Variants in ODAD4 observed in about 807,000 individuals in gnomAD.
ODAD4 encodes the protein outer dynein arm docking complex subunit 4.
In ODAD4, 49 loss-of-function variants were observed where a neutral mutation model predicts 51.8. The ratio of observed to expected loss-of-function variants is 0.95; its 90% CI spans 0.75 to 1.20. The LOEUF (loss-of-function observed/expected upper bound fraction) is 1.20. Among genes scored for constraint, ODAD4 ranks in the 50% most tolerant of loss-of-function variants. The pLI, the probability that ODAD4 is intolerant of heterozygous loss-of-function variation, is 0.00. For synonymous variants in ODAD4, 235 were observed against 221.3 expected (o/e 1.06, Z -0.55); for missense variants, 590 against 586.5 (o/e 1.01, Z -0.06).
chr17:41,964,615 T>C (rs115448773), intron 11 of ODAD4, among the ~76,000 whole-genome samples: 2,331 of 152,254 alleles, frequency 0.015, 64 homozygotes, highest in African/African-American at 0.053. Context: ...AGCACAGGCC[T>C]CCACAGAGAT....
chr17:41,956,261 C>G (rs2050731656), intron 10 of ODAD4, among the ~76,000 whole-genome samples: 1 of 151,756 alleles, frequency 6.6e-6, no homozygotes, highest in African/African-American at 2.4e-5. Flanking sequence ...GTTGGCCAGG[C>G]TGGTTTGGAA....
intron 8 of ODAD4, among the ~76,000 whole-genome samples, chr17:41,948,291 T>C (rs2050612779): frequency 6.6e-6 from 1 of 150,692 alleles, no homozygotes; most frequent in Non-Finnish European, 1.5e-5. Flanking sequence ...TTTTCTCTCA[T>C]ATATTCTTAG....
At chr17:41,934,267 C>T (rs8073987) in intron 1 of ODAD4, among the ~76,000 whole-genome samples, 103,456 of 151,142 alleles carry the variant, frequency 0.68, 36,853 homozygotes, top group East Asian at 0.83. Context: ...TCTCAAACTC[C>T]TGACTTCAAG....
chr17:41,931,357 C>T (rs1226583245), intron 1 of ODAD4, among the ~76,000 whole-genome samples: 1 of 152,160 alleles, frequency 6.6e-6, no homozygotes, highest in Non-Finnish European at 1.5e-5. Context: ...TCTCCATTCT[C>T]TGCGTTAACA....
intron 8 of ODAD4, among the ~76,000 whole-genome samples, chr17:41,946,995 C>T (rs1327095075): frequency 2.0e-5 from 3 of 151,802 alleles, no homozygotes; most frequent in South Asian, 2.1e-4. Flanking sequence ...GGACTACAGG[C>T]GCCCGCCACC....
chr17:41,943,023 C>T (rs551188750), intron 7 of ODAD4, among the ~76,000 whole-genome samples: 2 of 152,146 alleles, frequency 1.3e-5, no homozygotes, highest in South Asian at 2.1e-4. Flanking sequence ...CCATTGTGCC[C>T]GCGTTTTGTT....
chr17:41,936,433 G>T (rs997524701), intron 3 of ODAD4, 40 bp from the exon 4 acceptor site: 8 of 1,479,640 alleles, frequency 5.4e-6, no homozygotes, highest in Non-Finnish European at 6.6e-6. Flanking sequence ...TCATGCCTGG[G>T]GGGTCTGGCC....
intron 1 of ODAD4, among the ~76,000 whole-genome samples, chr17:41,932,731 T>G (rs1555637132): frequency 1.3e-5 from 2 of 149,906 alleles, no homozygotes; most frequent in Non-Finnish European, 3.0e-5. Flanking sequence ...TTCTTCTTTT[T>G]TTTTTTTTTT....
chr17:41,940,533 A>G (rs1459774417), intron 7 of ODAD4, among the ~76,000 whole-genome samples: 2 of 152,190 alleles, frequency 1.3e-5, no homozygotes, highest in Non-Finnish European at 2.9e-5. Flanking sequence ...CTGAGCAGGA[A>G]TATCCCATAC....
At chr17:41,962,197 T>G (rs979362562) in intron 11 of ODAD4, among the ~76,000 whole-genome samples, 11 of 151,742 alleles carry the variant, frequency 7.2e-5, no homozygotes, top group Non-Finnish European at 1.6e-4. Flanking sequence ...CTGAGTGAGG[T>G]GAGTGCTCTG....
intron 9 of ODAD4, among the ~76,000 whole-genome samples, chr17:41,954,720 T>C (rs1429418314): frequency 4.6e-5 from 7 of 151,694 alleles, no homozygotes; most frequent in African/African-American, 1.7e-4. Context: ...TGTGGTGTCA[T>C]GTGCCTGTAA....
Position 41,935,599 on chromosome 17 carries a change from G to A in ODAD4, c.247G>A (p.Gly83Arg). Reference protein sequence around the residue: ...SLQSDPAFCKGILQKAETLYT... With the variant: ...SLQSDPAFCKRILQKAETLYT... ...TTGATTTGATTTCCTCCCATTCCAG[G>A]GGATTTTGCAAAAGGCTGAGACACT... The change falls in exon 3 of 12, where the codon GGG becomes AGG. Residue 83 changes from glycine (G) to arginine (R), a missense_variant and splice_region_variant. Around this residue, in one of 3 missense-constraint regions of ODAD4, gnomAD observed 360 missense variants for 407.5 expected, o/e 0.88. Transcript: ENST00000377540. The A allele has an allele frequency of 6.2e-7, 1 of 1,611,308 alleles. No homozygotes were observed. The highest frequency in any genetic ancestry group is 1.3e-5 in the African/African-American group (1 of 75,012).
intron 9 of ODAD4, among the ~76,000 whole-genome samples, chr17:41,953,778 C>T (rs1381882720): frequency 1.3e-5 from 2 of 151,822 alleles, no homozygotes; most frequent in African/African-American, 2.4e-5. Context: ...AGGGATCCTC[C>T]CATCTCAGCC....
At chr17:41,941,486 C>T (rs78769685) in intron 7 of ODAD4, among the ~76,000 whole-genome samples, 117 of 152,310 alleles carry the variant, frequency 7.7e-4, no homozygotes, top group Middle Eastern at 6.8e-3. Flanking sequence ...GCCTCCTAGC[C>T]TGAGCGGTGG....
At chr17:41,958,415 C>T (rs1403545570) in intron 10 of ODAD4, among the ~76,000 whole-genome samples, 1 of 152,070 alleles carries the variant, frequency 6.6e-6, no homozygotes, top group African/African-American at 2.4e-5. Context: ...AATCCCAGCA[C>T]TTTAGGAGGC....
intron 9 of ODAD4, chr17:41,952,708 A>C (rs1010195931): frequency 2.0e-6 from 1 of 511,584 alleles, no homozygotes; most frequent in Admixed American, 2.0e-5. Context: ...ATTACACTTA[A>C]ATTTCCTTTA....
At position 41,938,732 on chromosome 17, in the gene ODAD4, C is replaced by T. The variant is rs781866287; in HGVS notation, c.801C>T (p.Pro267=). The T allele has an allele frequency of 1.5e-5, 25 of 1,613,624 alleles. No homozygotes were observed. Among genetic ancestry groups the T allele is most frequent in the African/African-American group, 4.0e-5 (3 of 74,930 alleles). Residue 267 remains proline, a synonymous_variant, in exon 6 of 12, where the codon CCC becomes CCT. Transcript: ENST00000377540. ...EKWLRDHKRR[P]SQTAHYILKS... is the part of the protein sequence containing the mutation. ...GGCTGCGGGACCACAAACGCCGTCC[C>T]TCACAGACAGCCCATTACATCCTCA...
chr17:41,956,175 G>A (rs1367292822), intron 10 of ODAD4, among the ~76,000 whole-genome samples: 1 of 151,300 alleles, frequency 6.6e-6, no homozygotes, highest in African/African-American at 2.4e-5. Context: ...AGCCTCCCGA[G>A]TAGCTGGGAT....
chr17:41,964,068 T>G (rs2050842464), intron 11 of ODAD4, among the ~76,000 whole-genome samples: 1 of 151,606 alleles, frequency 6.6e-6, no homozygotes, highest in African/African-American at 2.4e-5. Context: ...GGTTAATTTT[T>G]TTTTTTTTTG....
Sources: gnomAD v4.1 joint callset for allele counts (sites outside exome capture counted in the v4.1 genomes callset) on GRCh38, gnomAD v4.1.1 for gene constraint, gnomAD v4.1.1 regional missense constraint, MANE v1.5 for transcripts, NCBI Gene and HGNC (gene_info 2026-07-23, HGNC 2026-07-21) for gene names.